The following CTDP1 variants were observed in gnomAD, a reference collection of about 807,000 sequenced individuals.
CTDP1 encodes RNA polymerase II subunit A C-terminal domain phosphatase.
Under a neutral mutation model 91.8 loss-of-function variants are expected in CTDP1, and 47 were observed. The observed-to-expected ratio is 0.51, with a 90% CI of 0.41 to 0.65. CTDP1 has a LOEUF of 0.65. CTDP1 is among the 30% of genes least tolerant of loss of function. The pLI, the probability that CTDP1 is intolerant of heterozygous loss-of-function variation, is 0.00. For synonymous variants in CTDP1, 656 were observed against 598.5 expected, an observed-to-expected ratio of 1.10 and a Z score of -1.40; for missense variants, 1,272 against 1,373.7, an observed-to-expected ratio of 0.93 and a Z score of 1.17.
In CTDP1 at chr18:79,703,883, C is replaced by T. The variant is rs138818628; in HGVS notation, c.622-884C>T. Among the ~76,000 whole-genome samples the T allele has an allele frequency of 2.5e-3, 385 of 151,926 alleles. 1 individual carries two copies. The highest frequency in any genetic ancestry group is 4.7e-3 in the Non-Finnish European group (321 of 67,978). ...TGGCGTGGTTATTGGGGATGGTTAT[C>T]GTGTAGTTATCACAGGCTGTTACTC... On this transcript the variant is annotated intron_variant, in intron 4 of 12. Transcript: ENST00000613122.
chr18:79,688,582 T>C (rs1195871315), intron 1 of CTDP1, among the ~76,000 whole-genome samples: 1 of 151,678 alleles, frequency 6.6e-6, no homozygotes, highest in African/African-American at 2.4e-5. Flanking sequence ...GTATTTTTAG[T>C]AGAGGCAGGG....
At position 79,747,538 on chromosome 18, in the gene CTDP1, C is replaced by T. The variant is rs112489150; in HGVS notation, c.2748-6114C>T. ...TTGTAGGTGGTTGGACTGTTGGGTC[C>T]CGCTGACGTCATCTGGTGGGTTCCT... On this transcript the variant is annotated intron_variant, in intron 12 of 12. Coordinates refer to ENST00000613122, the MANE Select transcript of CTDP1 (RefSeq NM_004715.5). Among the ~76,000 whole-genome samples, 916 of 152,342 alleles carry T rather than the reference C, an allele frequency of 6.0e-3. 12 individuals carry two copies. Among genetic ancestry groups the T allele is most frequent in the African/African-American group, 0.02 (848 of 41,574 alleles).
intron 11 of CTDP1, 55 bp from the exon 12 acceptor site, chr18:79,736,300 C>A: frequency 6.5e-7 from 1 of 1,547,264 alleles, no homozygotes; most frequent in Admixed American, 2.0e-5. Context: ...AAGCCTGTTG[C>A]GGAGGAACGG....
chr18:79,753,542 T>C, intron 12 of CTDP1, 110 bp from the exon 13 acceptor site: 1 of 1,539,064 alleles, frequency 6.5e-7, no homozygotes, highest in Non-Finnish European at 8.9e-7. Flanking sequence ...CAGAGAATTG[T>C]GCCGTCTTGT....
intron 1 of CTDP1, among the ~76,000 whole-genome samples, chr18:79,687,563 G>T (rs2085528916): frequency 6.6e-6 from 1 of 150,816 alleles, no homozygotes; most frequent in African/African-American, 2.4e-5. Context: ...CACCGCAGCA[G>T]TTGGCTTCTC....
At chr18:79,744,088 A>G (rs562427773) in intron 12 of CTDP1, among the ~76,000 whole-genome samples, 8 of 152,342 alleles carry the variant, frequency 5.3e-5, no homozygotes, top group African/African-American at 1.9e-4. Flanking sequence ...TCAGAAACTC[A>G]GGAGGATGCA....
At chr18:79,706,545 C>G (rs1477500053) in intron 5 of CTDP1, among the ~76,000 whole-genome samples, 2 of 152,066 alleles carry the variant, frequency 1.3e-5, no homozygotes, top group African/African-American at 2.4e-5. Context: ...CATGGCTGTC[C>G]CCTATTCTCT....
At position 79,715,400 on chromosome 18, in the gene CTDP1, C is replaced by T. The variant is rs980615603; in HGVS notation, c.1940C>T (p.Thr647Ile). The change falls in exon 8 of 13, where the codon ACA (threonine) becomes ATA (isoleucine). Residue 647 changes from threonine to isoleucine, a missense_variant. Thr to Ile is a moderately conservative substitution (Grantham distance 89). Transcript: ENST00000613122. ...ATAATTTTCAGTGGGCTACACCCGA[C>T]AAACTTCCCGATAGAGAAGACGCGG... is the stretch of plus-strand genomic sequence containing the variant. ...VAIIFSGLHP[T>I]NFPIEKTREH... is the part of the protein sequence containing the mutation. 22 of 1,604,606 alleles carry T rather than the reference C, an allele frequency of 1.4e-5. No homozygotes were observed. Among genetic ancestry groups the T allele is most frequent in the Non-Finnish European group, 1.8e-5 (21 of 1,175,520 alleles).
At chr18:79,677,842 C>T (rs571362606), upstream of CTDP1, 7 of 152,360 alleles carry the variant, frequency 4.6e-5, no homozygotes, top group South Asian at 1.4e-3. Flanking sequence ...CTTCACCATC[C>T]AGTGGTCTGT....
intron 10 of CTDP1, among the ~76,000 whole-genome samples, chr18:79,723,130 G>A (rs2086379244): frequency 6.6e-6 from 1 of 152,134 alleles, no homozygotes; most frequent in African/African-American, 2.4e-5. Context: ...ACCCTCACAC[G>A]CTTGCAACAG....
intron 4 of CTDP1, among the ~76,000 whole-genome samples, chr18:79,698,947 T>A (rs931738945): frequency 6.6e-6 from 1 of 152,068 alleles, no homozygotes; most frequent in Admixed American, 6.6e-5. Flanking sequence ...CTGGAAGAAG[T>A]TTGGTTAAGT....
chr18:79,720,304 GTGTCCTGGTGATGCTGTCACCT>G, intron 10 of CTDP1, among the ~76,000 whole-genome samples: 1 of 9,904 alleles, frequency 1.0e-4, no homozygotes, highest in Non-Finnish European at 2.8e-4. Context: ...ACCTCCTATT[GTGTCCTGGTGATGCTGTCACCT>G]CCCGTCATTA....
At chr18:79,705,661 G>A (rs2085953464) in intron 5 of CTDP1, among the ~76,000 whole-genome samples, 1 of 152,248 alleles carries the variant, frequency 6.6e-6, no homozygotes, top group Admixed American at 6.5e-5. Context: ...TGTCCCACAT[G>A]GATGTAGGCG....
intron 12 of CTDP1, 139 bp downstream of exon 12, chr18:79,736,660 G>GT (rs1174790151): frequency 2.3e-6 from 2 of 878,410 alleles, no homozygotes. Flanking sequence ...TCCAAACTCA[G>GT]CAGCCCCTGG....
At chr18:79,740,616 T>G (rs952003762) in intron 12 of CTDP1, among the ~76,000 whole-genome samples, 7 of 152,242 alleles carry the variant, frequency 4.6e-5, no homozygotes, top group African/African-American at 1.4e-4. Context: ...CTCTGCTCTT[T>G]CCTGTCAGTG....
intron 1 of CTDP1, among the ~76,000 whole-genome samples, chr18:79,689,030 A>G (rs938247907): frequency 6.6e-6 from 1 of 152,182 alleles, no homozygotes; most frequent in African/African-American, 2.4e-5. Context: ...CTTCACCCCT[A>G]AATACTTGAG....
At chr18:79,729,180 C>A in intron 11 of CTDP1, 111 bp downstream of exon 11, 1 of 1,362,826 alleles carries the variant, frequency 7.3e-7, no homozygotes, top group Admixed American at 1.7e-5. Flanking sequence ...AGCTAGAGTC[C>A]TGCACTTGTG....
intron 10 of CTDP1, among the ~76,000 whole-genome samples, chr18:79,727,673 T>C (rs921399100): frequency 2.2e-4 from 34 of 152,196 alleles, no homozygotes; most frequent in Admixed American, 4.6e-4. Context: ...TTGTGTCTTT[T>C]TAGTTTTGTG....
intron 12 of CTDP1, among the ~76,000 whole-genome samples, chr18:79,751,585 CTT>C (rs2087002828): frequency 6.6e-6 from 1 of 152,190 alleles, no homozygotes; most frequent in African/African-American, 2.4e-5. Flanking sequence ...CCTTTTGTCT[CTT>C]ATAAATGAAC....
Sources: gnomAD v4.1 joint callset for allele counts (sites outside exome capture counted in the v4.1 genomes callset) on GRCh38, gnomAD v4.1.1 for gene constraint, MANE v1.5 for transcripts, NCBI Gene and HGNC (gene_info 2026-07-23, HGNC 2026-07-21) for gene names.